The following ATRX variants were observed in gnomAD, a reference collection of about 807,000 sequenced individuals.
ATRX encodes the protein ATRX chromatin remodeler.
In ATRX, 12 loss-of-function variants were observed where a neutral mutation model predicts 172.6. That is an observed-to-expected ratio of 0.07 (90% CI 0.04 to 0.11). The LOEUF (loss-of-function observed/expected upper bound fraction) is 0.11. Among genes scored for constraint, ATRX ranks in the 10% least tolerant of loss-of-function variants. The pLI, the probability that ATRX is intolerant of heterozygous loss-of-function variation, is 1.00. For missense variants in ATRX, 1,368 were observed against 1,767.4 expected, an observed-to-expected ratio of 0.77 and a Z score of 4.05; for synonymous variants, 674 against 594.7, an observed-to-expected ratio of 1.13 and a Z score of -1.94.
intron 10 of ATRX, among the ~76,000 whole-genome samples, chrX:77,670,523 G>A (rs1009761567): frequency 1.8e-5 from 2 of 111,703 alleles, no homozygotes; most frequent in Non-Finnish European, 3.8e-5. Context: ...GGGAGGCCAA[G>A]GCAGGCAAAT....
At chrX:77,541,018 T>C (rs1432472772) in intron 30 of ATRX, among the ~76,000 whole-genome samples, 1 of 111,157 alleles carries the variant, frequency 9.0e-6, no homozygotes, top group East Asian at 2.8e-4. Context: ...AAAAAATCAA[T>C]GAATCCAGGA....
chrX:77,543,176 G>A (rs1557051660), intron 30 of ATRX, among the ~76,000 whole-genome samples: 1 of 112,377 alleles, frequency 8.9e-6, no homozygotes, highest in African/African-American at 3.2e-5. Flanking sequence ...CTCAGAAGAA[G>A]ACATATATGC....
chrX:77,576,261 T>C (rs1319693055), intron 27 of ATRX, among the ~76,000 whole-genome samples: 5 of 111,307 alleles, frequency 4.5e-5, no homozygotes, highest in African/African-American at 6.5e-5. Flanking sequence ...TTATTGATGG[T>C]AGTAAATTGG....
rs1301960519 is a variant in ATRX, at chrX:77,520,869, T to C, written c.7119A>G (p.Ala2373=). 2 of 1,208,220 alleles carry C rather than the reference T, an allele frequency of 1.7e-6. No individual in the cohort carries two copies. The highest frequency in any genetic ancestry group is 1.7e-5 in the African/African-American group (1 of 57,376). ...GCTCCTGGCTGGCTTGTCTACTTAA[T>C]GCTAACGCCTGTACTTGGGCCTCTG... is the stretch of plus-strand genomic sequence containing the variant. ...NLSEAQVQAL[A]LSRQASQELD... is the part of the protein sequence containing the mutation. Residue 2373 remains alanine (A), a synonymous_variant, in exon 34 of 35, where the codon GCA becomes GCG. Transcript: ENST00000373344.
chrX:77,561,001 G>A (rs1557061719), intron 28 of ATRX, among the ~76,000 whole-genome samples: 2 of 110,682 alleles, frequency 1.8e-5, no homozygotes, highest in South Asian at 7.8e-4. Flanking sequence ...GCAGAATATA[G>A]AGCCTTACTA....
At chrX:77,678,250 GAGAGA>G (rs1246283480) in intron 9 of ATRX, among the ~76,000 whole-genome samples, 78 of 108,748 alleles carry the variant, frequency 7.2e-4, no homozygotes, top group African/African-American at 1.5e-3. Context: ...CAGACAGAGA[GAGAGA>G]AGAGATTTCA....
intron 2 of ATRX, among the ~76,000 whole-genome samples, chrX:77,716,190 C>G (rs1282106611): frequency 1.2e-5 from 1 of 81,831 alleles, no homozygotes; most frequent in Non-Finnish European, 2.2e-5. Flanking sequence ...TCCCAGCTAC[C>G]GGGAGGGTGA....
chrX:77,569,538 A>G (rs1442593606), intron 28 of ATRX, among the ~76,000 whole-genome samples: 1 of 112,224 alleles, frequency 8.9e-6, no homozygotes, highest in Non-Finnish European at 1.9e-5. Flanking sequence ...AAACTCCTAG[A>G]ACAAATGAAG....
chrX:77,521,371 G>A (rs2063227669), intron 33 of ATRX, 32 bp downstream of exon 33: 2 of 1,109,095 alleles, frequency 1.8e-6, no homozygotes, highest in African/African-American at 1.8e-5. Context: ...ACAAATTGGA[G>A]GTTGGAATAA....
rs139948612 is a variant in ATRX at position 77,506,897 on chromosome X, C to CTT, written c.*1452_*1453dup. 0.017 allele frequency: 990 copies of CTT among 59,359 alleles called. 33 individuals carry two copies. Among genetic ancestry groups the CTT allele is most frequent in the East Asian group, 0.038 (182 of 4,753 alleles). 4.9% of individuals were successfully genotyped at this position (59,359 alleles called of 1,213,427 possible). A position where few individuals can be genotyped will look rare whatever the true frequency, so the allele number is the denominator to read the frequency against. ...TAAAGCAAAGCCCAAACCCAGTTTT[C>CTT]TTTTTTTTTTTTTTTTTTTTTTTTT... On this transcript the variant is annotated 3_prime_UTR_variant, in exon 35 of 35. Coordinates refer to ENST00000373344, the MANE Select transcript of ATRX (RefSeq NM_000489.6).
At chrX:77,585,656 C>CA (rs1169640386) in intron 27 of ATRX, among the ~76,000 whole-genome samples, 1 of 80,346 alleles carries the variant, frequency 1.2e-5, no homozygotes, top group African/African-American at 4.6e-5. Flanking sequence ...GGTATATACC[C>CA]AAAATAATGG....
Position 77,701,372 on chromosome X carries a change from C to T in ATRX, c.134-2743G>A, listed in dbSNP as rs1431267463. On this transcript the variant is annotated intron_variant, in intron 2 of 34. Transcript: ENST00000373344. ...ACTAAAAATACAAAAATTAGCTGGG[C>T]GTGGTGGCATGCACCTGCAATCCTA... is the stretch of plus-strand genomic sequence containing the variant. 8.2e-5 allele frequency among the ~76,000 whole-genome samples: 9 copies of T among 109,897 alleles called. No homozygotes were observed. The East Asian group carries it at 2.6e-3, about 32-fold the overall frequency.
At chrX:77,583,521 C>CA (rs1258258342) in intron 27 of ATRX, among the ~76,000 whole-genome samples, 56 of 96,552 alleles carry the variant, frequency 5.8e-4, no homozygotes, top group South Asian at 2.4e-3. Context: ...GAGACCGTCT[C>CA]AAAAAAAAAA....
intron 7 of ATRX, among the ~76,000 whole-genome samples, chrX:77,685,529 C>G (rs1557143359): frequency 8.9e-6 from 1 of 111,921 alleles, no homozygotes; most frequent in Non-Finnish European, 1.9e-5. Flanking sequence ...ATCCAAAAGA[C>G]AGGCAATAAC....
chrX:77,724,397 C>CT (rs1243751556), intron 1 of ATRX, among the ~76,000 whole-genome samples: 31 of 105,636 alleles, frequency 2.9e-4, no homozygotes, highest in East Asian at 1.2e-3. Flanking sequence ...AAAAACTTCA[C>CT]TTTTTTTTTT....
At position 77,563,752 on chromosome X, in the gene ATRX, G is replaced by A. The variant is rs188559285; in HGVS notation, c.6327-4906C>T. ...GTGTGTGTGTGTGTAGACATATTACGGCATTAGCCTCACTGTGATTATGGA... is the reference window on the plus strand; with the variant it reads ...GTGTGTGTGTGTGTAGACATATTACAGCATTAGCCTCACTGTGATTATGGA... On this transcript the variant is annotated intron_variant, in intron 28 of 34. Coordinates refer to ENST00000373344, the MANE Select transcript of ATRX (RefSeq NM_000489.6). 1.0e-4 allele frequency among the ~76,000 whole-genome samples: 11 copies of A among 106,363 alleles called. No homozygotes were observed. The East Asian group carries it at 1.8e-3, about 17-fold the overall frequency. 92.4% of individuals were successfully genotyped at this position (106,363 alleles called of 115,157 possible).
intron 15 of ATRX, among the ~76,000 whole-genome samples, chrX:77,651,247 A>AAAAAG (rs2069222990): frequency 9.7e-6 from 1 of 102,719 alleles, no homozygotes; most frequent in Non-Finnish European, 2.0e-5. Flanking sequence ...AAAAAAAAAA[A>AAAAAG]GATGAAACAA....
At position 77,612,218 on chromosome X, in the gene ATRX, C is replaced by T. The variant is rs183867100; in HGVS notation, c.5566+4395G>A. ...AGGGCTCATAAAACTGTAGATGCATCGGCCCTACTCCAGACCTTTTGAATC... is the reference window on the plus strand; with the variant it reads ...AGGGCTCATAAAACTGTAGATGCATTGGCCCTACTCCAGACCTTTTGAATC... On this transcript the variant is annotated intron_variant, in intron 22 of 34. Transcript: ENST00000373344. Among the ~76,000 whole-genome samples the T allele has an allele frequency of 3.6e-3, 396 of 111,379 alleles. 3 individuals are homozygous for T. The highest frequency in any genetic ancestry group is 0.012 in the African/African-American group (375 of 30,724).
chrX:77,722,851 A>T (rs1276314417), intron 1 of ATRX, among the ~76,000 whole-genome samples: 1 of 111,956 alleles, frequency 8.9e-6, no homozygotes, highest in Non-Finnish European at 1.9e-5. Flanking sequence ...GTATATACCC[A>T]AAGGATTATA....
Sources: gnomAD v4.1 joint callset for allele counts (sites outside exome capture counted in the v4.1 genomes callset) on GRCh38, gnomAD v4.1.1 for gene constraint, MANE v1.5 for transcripts, NCBI Gene and HGNC (gene_info 2026-07-23, HGNC 2026-07-21) for gene names.